Variants in DEFB127 observed in about 807,000 individuals in gnomAD.
The protein encoded by DEFB127 is beta-defensin 127.
In DEFB127, 2 loss-of-function variants were observed where a neutral mutation model predicts 2.4. The observed-to-expected ratio is 0.82, with a 90% CI of 0.34 to 2.58. The LOEUF is 2.58. Among genes scored for constraint, DEFB127 ranks in the 30% most tolerant of loss-of-function variants. The pLI, the probability that DEFB127 is intolerant of heterozygous loss-of-function variation, is 0.11. For synonymous variants in DEFB127, 37 were observed against 39.8 expected, an observed-to-expected ratio of 0.93 and a Z score of 0.26; for missense variants, 110 against 113.2, an observed-to-expected ratio of 0.97 and a Z score of 0.13.
At position 157,512 on chromosome 20, in the gene DEFB127, G is replaced by A. The variant is rs910545429; in HGVS notation, c.-33G>A. The A allele has an allele frequency of 6.2e-7, 1 of 1,606,240 alleles. No individual in the cohort carries two copies. Among genetic ancestry groups the A allele is most frequent in the Non-Finnish European group, 8.5e-7 (1 of 1,176,550 alleles). On this transcript the variant is annotated 5_prime_UTR_variant, in exon 1 of 2. Transcript: ENST00000382388. ...TAGTGTGCAGTTCACTGGACCAAAAGCTTTGGCTGCACCTCTTCTGGAAAG... is the reference window on the plus strand; with the variant it reads ...TAGTGTGCAGTTCACTGGACCAAAAACTTTGGCTGCACCTCTTCTGGAAAG...
rs779393849 is a variant in DEFB127, at chr20:157,557, A to G, written c.13A>G (p.Met5Val). The G allele has an allele frequency of 2.8e-5, 45 of 1,613,814 alleles. No individual in the cohort carries two copies. The highest frequency in any genetic ancestry group is 3.5e-5 in the Non-Finnish European group (41 of 1,179,894). Residue 5 changes from methionine to valine, a missense_variant, in exon 1 of 2, where the codon ATG becomes GTG. Physicochemically the swap from Met to Val is conservative, Grantham distance 21. Transcript: ENST00000382388. MGLF[M>V]IIAILLFQKP... is the part of the protein sequence containing the mutation. ...GGAAAGCCTGGCCATGGGGCTCTTC[A>G]TGATCATTGCAATTCTGCTGTTCCA... is the stretch of plus-strand genomic sequence containing the variant.
chr20:158,888 T>C lies in DEFB127; in HGVS notation c.164T>C (p.Leu55Pro). 1 of 1,613,774 alleles carries C rather than the reference T, an allele frequency of 6.2e-7. No homozygotes were observed. Among genetic ancestry groups the C allele is most frequent in the Admixed American group, 1.7e-5 (1 of 59,918 alleles). Residue 55 changes from leucine (L) to proline (P), a missense_variant, in exon 2 of 2, where the codon CTC (leucine) becomes CCC (proline). Coordinates refer to ENST00000382388, the MANE Select transcript of DEFB127 (RefSeq NM_139074.4). Reference sequence around the variant, plus strand: ...TGTGAAAATGGGAGATACTGTTGCCTCAATATCAAGGAACTGGAAGCATGT... The same window carrying C: ...TGTGAAAATGGGAGATACTGTTGCCCCAATATCAAGGAACTGGAAGCATGT... ...ALCENGRYCC[L>P]NIKELEACKK...
chr20:157,613 C>T lies in DEFB127; in HGVS notation c.49+20C>T, dbSNP rs1488653028. 6 of 1,613,508 alleles carry T rather than the reference C, an allele frequency of 3.7e-6. No homozygotes were observed. The highest frequency in any genetic ancestry group is 5.1e-6 in the Non-Finnish European group (6 of 1,179,724). Reference sequence around the variant, plus strand: ...CCACAGGTAAACCAAACCAGAAGCTCACTCAAATCAACAGTGGGATGGAGC... The same window carrying T: ...CCACAGGTAAACCAAACCAGAAGCTTACTCAAATCAACAGTGGGATGGAGC... On this transcript the variant is annotated intron_variant, in intron 1 of 1. Coordinates refer to ENST00000382388, the MANE Select transcript of DEFB127 (RefSeq NM_139074.4).
chr20:158,681 C>A, intron 1 of DEFB127, 93 bp from the exon 2 acceptor site: 1 of 1,334,870 alleles, frequency 7.5e-7, no homozygotes, highest in Middle Eastern at 2.4e-4. Flanking sequence ...CCCCATACCC[C>A]TAATTCCTAC....
At chr20:158,361 T>C (rs2054711372) in intron 1 of DEFB127, among the ~76,000 whole-genome samples, 1 of 152,118 alleles carries the variant, frequency 6.6e-6, no homozygotes, top group African/African-American at 2.4e-5. Flanking sequence ...CATAAACACA[T>C]AGTAACAATA....
chr20:157,689 GC>G (rs1010812875), intron 1 of DEFB127, 96 bp downstream of exon 1: 7 of 1,393,566 alleles, frequency 5.0e-6, no homozygotes, highest in Admixed American at 3.6e-5. Context: ...GGGAAATAGA[GC>G]CCCCAAAGAT....
Position 159,124 on chromosome 20 carries a change from A to T in DEFB127, c.*100A>T. 7.5e-7 allele frequency: 1 copy of T among 1,335,274 alleles called. No individual in the cohort carries two copies. The allele number at this position is 1,335,274 out of a possible 1,614,324, so 82.7% of individuals were successfully genotyped here. A position where few individuals can be genotyped will look rare whatever the true frequency, so the allele number is the denominator to read the frequency against. ...TCCTTTTGGTTTCTTGATCCTTAAA[A>T]TGACCTTCGAGCATATTCTAATAAA... On this transcript the variant is annotated 3_prime_UTR_variant, in exon 2 of 2. Transcript: ENST00000382388.
At position 158,772 on chromosome 20, in the gene DEFB127, A is replaced by G; in HGVS notation, c.50-2A>G. 6.2e-7 allele frequency: 1 copy of G among 1,608,912 alleles called. No individual in the cohort carries two copies. Among genetic ancestry groups the G allele is most frequent in the Non-Finnish European group, 8.5e-7 (1 of 1,177,660 alleles). ...TGTTCTATTGCTCCTTTCTGTGTAT[A>G]GTAACCGAACAACTTAAGAAGTGCT... is the stretch of plus-strand genomic sequence containing the variant. On this transcript the variant is annotated splice_acceptor_variant, in intron 1 of 1. Transcript: ENST00000382388. LOFTEE classifies it high-confidence loss of function.
chr20:157,935 G>A (rs1440491168), intron 1 of DEFB127, among the ~76,000 whole-genome samples: 1 of 5,924 alleles, frequency 1.7e-4, no homozygotes, highest in African/African-American at 2.0e-4. Context: ...ATATATATGT[G>A]TGTGTGTGTG....
rs1568467103 is a variant in DEFB127 at position 157,493 on chromosome 20, G to A, written c.-52G>A. On this transcript the variant is annotated 5_prime_UTR_variant, in exon 1 of 2. Coordinates refer to ENST00000382388, the MANE Select transcript of DEFB127 (RefSeq NM_139074.4). ...GTCTCTGAGGAAGGTAGCATAGTGT[G>A]CAGTTCACTGGACCAAAAGCTTTGG... 5.6e-6 allele frequency: 9 copies of A among 1,593,090 alleles called. No individual in the cohort carries two copies. In the East Asian group the frequency reaches 6.7e-5, roughly 12 times the overall value.
At chr20:157,819 A>G (rs6077288) in intron 1 of DEFB127, among the ~76,000 whole-genome samples, 44,575 of 152,008 alleles carry the variant, frequency 0.29, 7,946 homozygotes, top group East Asian at 0.52. Flanking sequence ...CTTCTGGGAA[A>G]GATGTGTTGT....
Position 158,957 on chromosome 20 carries a change from C to T in DEFB127, c.233C>T (p.Ala78Val), listed in dbSNP as rs759139202. ...CCTCGTCCAAAGCCAGCAACACTTG[C>T]ACTGACTCTTCAAGACTATGTTACA... Reference protein sequence around the residue: ...KPPRPKPATLALTLQDYVTII... With the variant: ...KPPRPKPATLVLTLQDYVTII... The change falls in exon 2 of 2, where the codon GCA becomes GTA. Residue 78 changes from alanine (A) to valine (V), a missense_variant. Coordinates refer to ENST00000382388, the MANE Select transcript of DEFB127 (RefSeq NM_139074.4). 7 of 1,613,460 alleles carry T rather than the reference C, an allele frequency of 4.3e-6. No individual in the cohort carries two copies.
chr20:159,004 C>A lies in DEFB127; in HGVS notation c.280C>A (p.Leu94Met), dbSNP rs768769582. ...YVTIIENFPS[L>M]KTQST Reference sequence around the variant, plus strand: ...TACAATAATAGAAAATTTCCCAAGCCTGAAGACACAGTCTACATAAATCAA... The same window carrying A: ...TACAATAATAGAAAATTTCCCAAGCATGAAGACACAGTCTACATAAATCAA... The change falls in exon 2 of 2, where the codon CTG becomes ATG. Residue 94 changes from leucine to methionine, a missense_variant. By Grantham distance (15) the Leu-to-Met change is conservative. Transcript: ENST00000382388. The A allele has an allele frequency of 1.2e-6, 2 of 1,610,332 alleles. No individual in the cohort carries two copies. The highest frequency in any genetic ancestry group is 1.7e-6 in the Non-Finnish European group (2 of 1,178,710).
intron 1 of DEFB127, 107 bp downstream of exon 1, chr20:157,700 T>A: frequency 8.1e-7 from 1 of 1,233,242 alleles, no homozygotes; most frequent in South Asian, 1.3e-5. Flanking sequence ...CCCCCAAAGA[T>A]GGCTAAAGTT....
chr20:157,484 G>T lies in DEFB127; in HGVS notation c.-61G>T, dbSNP rs2298108. 0.36 allele frequency: 557,050 copies of T among 1,565,308 alleles called. 103,321 individuals are homozygous for T. Among genetic ancestry groups the T allele is most frequent in the East Asian group, 0.5 (22,233 of 44,660 alleles). On this transcript the variant is annotated 5_prime_UTR_variant, in exon 1 of 2. Coordinates refer to ENST00000382388, the MANE Select transcript of DEFB127 (RefSeq NM_139074.4). ...AGAATCTAAGTCTCTGAGGAAGGTA[G>T]CATAGTGTGCAGTTCACTGGACCAA...
chr20:158,347 C>T (rs2054711303), intron 1 of DEFB127, among the ~76,000 whole-genome samples: 1 of 152,072 alleles, frequency 6.6e-6, no homozygotes, highest in African/African-American at 2.4e-5. Flanking sequence ...CAGTTTGATT[C>T]AGACATAAAC....
Position 159,089 on chromosome 20 carries a change from T to G in DEFB127, c.*65T>G. Reference sequence around the variant, plus strand: ...TCTAATAAACTAAGGTGATGAGATATACATCTTCTTCCTTTTGGTTTCTTG... The same window carrying G: ...TCTAATAAACTAAGGTGATGAGATAGACATCTTCTTCCTTTTGGTTTCTTG... On this transcript the variant is annotated 3_prime_UTR_variant, in exon 2 of 2. Transcript: ENST00000382388. The G allele has an allele frequency of 6.7e-7, 1 of 1,487,698 alleles. No homozygotes were observed. Among genetic ancestry groups the G allele is most frequent in the Non-Finnish European group, 9.0e-7 (1 of 1,106,794 alleles). The allele number at this position is 1,487,698 out of a possible 1,614,324, so 92.2% of individuals were successfully genotyped here.
chr20:158,665 TG>T, intron 1 of DEFB127, 108 bp from the exon 2 acceptor site: 1 of 1,116,268 alleles, frequency 9.0e-7, no homozygotes, highest in Non-Finnish European at 1.3e-6. Flanking sequence ...GTCTGCCTTG[TG>T]GATACCCCAT....
At chr20:157,927 ATATATGTG>A (rs71191922) in intron 1 of DEFB127, among the ~76,000 whole-genome samples, 37,317 of 83,206 alleles carry the variant, frequency 0.45, 5,584 homozygotes, top group East Asian at 0.56. Flanking sequence ...ACTCAAATAT[ATATATGTG>A]TGTGTGTGTG....
Sources: allele counts gnomAD v4.1 joint callset (sites outside exome capture counted in the v4.1 genomes callset), GRCh38; gene constraint gnomAD v4.1.1; transcripts MANE v1.5; gene names NCBI Gene and HGNC (gene_info 2026-07-23, HGNC 2026-07-21).